The following GHR variants were observed in gnomAD, a reference collection of about 807,000 sequenced individuals.
GHR encodes the protein growth hormone receptor, also known as GH receptor.
GHR carries 35 observed loss-of-function variants against 67.1 expected under a neutral mutation model. The observed-to-expected ratio is 0.52, with a 90% CI of 0.40 to 0.69. GHR has a LOEUF of 0.69. Ranked by LOEUF, GHR falls within the 30% of genes least tolerant of loss-of-function variation. The pLI is 0.00. For synonymous variants in GHR, 272 were observed against 269.1 expected, an observed-to-expected ratio of 1.01 and a Z score of -0.10; for missense variants, 792 against 764.6, an observed-to-expected ratio of 1.04 and a Z score of -0.42.
intron 2 of GHR, among the ~76,000 whole-genome samples, chr5:42,583,864 T>C (rs900049809): frequency 2.0e-5 from 3 of 148,528 alleles, no homozygotes; most frequent in Non-Finnish European, 4.5e-5. Context: ...AAGATATATA[T>C]ATCTTTAAAT....
chr5:42,450,402 T>C (rs1054139245), intron 1 of GHR, among the ~76,000 whole-genome samples: 2 of 152,208 alleles, frequency 1.3e-5, no homozygotes, highest in Non-Finnish European at 2.9e-5. Context: ...GATTTTCTAG[T>C]TTGTGTGCAT....
chr5:42,523,820 G>A (rs982728631), intron 1 of GHR, among the ~76,000 whole-genome samples: 2 of 152,124 alleles, frequency 1.3e-5, no homozygotes, highest in Admixed American at 6.5e-5. Flanking sequence ...TGAATCATGG[G>A]AGCCAGTCTT....
At chr5:42,497,190 CAG>C (rs1746357226) in intron 1 of GHR, among the ~76,000 whole-genome samples, 1 of 152,218 alleles carries the variant, frequency 6.6e-6, no homozygotes, top group Non-Finnish European at 1.5e-5. Context: ...CTGTGGCCCA[CAG>C]AGTGTGCTAT....
intron 2 of GHR, among the ~76,000 whole-genome samples, chr5:42,579,030 T>C (rs1220774060): frequency 6.6e-6 from 1 of 151,944 alleles, no homozygotes; most frequent in African/African-American, 2.4e-5. Context: ...AAAAGAAACA[T>C]TCAGGCTATC....
chr5:42,475,240 C>A (rs1745251823), intron 1 of GHR, among the ~76,000 whole-genome samples: 1 of 152,060 alleles, frequency 6.6e-6, no homozygotes, highest in Admixed American at 6.6e-5. Flanking sequence ...TTAAAGGGAA[C>A]TGGTAAAGAG....
intron 1 of GHR, among the ~76,000 whole-genome samples, chr5:42,562,856 G>T (rs887716744): frequency 1.3e-5 from 2 of 151,878 alleles, no homozygotes; most frequent in African/African-American, 4.8e-5. Context: ...TCACCATGTT[G>T]GCCAGGATGG....
intron 8 of GHR, among the ~76,000 whole-genome samples, 181 bp downstream of exon 8, chr5:42,713,700 A>G (rs928366573): frequency 9.9e-5 from 15 of 152,166 alleles, no homozygotes; most frequent in South Asian, 2.1e-4. Flanking sequence ...TGTTGTATTT[A>G]TCTTAGACAA....
intron 1 of GHR, among the ~76,000 whole-genome samples, chr5:42,493,450 T>C (rs2112204497): frequency 1.3e-5 from 2 of 152,278 alleles, no homozygotes; most frequent in South Asian, 4.1e-4. Context: ...TTATTTTAAG[T>C]AGTTATATGG....
chr5:42,584,427 AG>A (rs1751362915), intron 2 of GHR, among the ~76,000 whole-genome samples: 1 of 152,172 alleles, frequency 6.6e-6, no homozygotes, highest in Non-Finnish European at 1.5e-5. Flanking sequence ...TAGATTTCAC[AG>A]GGCAGATGCC....
chr5:42,675,518 G>A (rs1756528470), intron 3 of GHR, among the ~76,000 whole-genome samples: 1 of 152,168 alleles, frequency 6.6e-6, no homozygotes, highest in African/African-American at 2.4e-5. Flanking sequence ...GAAATAATTT[G>A]AAAGGCAATA....
chr5:42,681,105 G>A (rs575526915), intron 3 of GHR, among the ~76,000 whole-genome samples: 127 of 152,054 alleles, frequency 8.4e-4, no homozygotes, highest in South Asian at 3.3e-3. Context: ...GCCAAAATTG[G>A]CAAATGGGAT....
At chr5:42,468,842 A>G (rs1744866483) in intron 1 of GHR, 3 of 981,270 alleles carry the variant, frequency 3.1e-6, no homozygotes, top group Non-Finnish European at 4.5e-6. Flanking sequence ...AGGCAGCTGA[A>G]GCCTTCCTGT....
At chr5:42,716,598 T>G (rs1214646204) in intron 8 of GHR, among the ~76,000 whole-genome samples, 1 of 152,224 alleles carries the variant, frequency 6.6e-6, no homozygotes, top group African/African-American at 2.4e-5. Context: ...CATAGTTTAG[T>G]GCAAAGTATA....
At chr5:42,651,516 T>C (rs1410464411) in intron 3 of GHR, among the ~76,000 whole-genome samples, 1 of 152,170 alleles carries the variant, frequency 6.6e-6, no homozygotes, top group Non-Finnish European at 1.5e-5. Context: ...CATACCATAG[T>C]ATACTGGAAC....
At chr5:42,572,255 T>C (rs947529727) in intron 2 of GHR, among the ~76,000 whole-genome samples, 3 of 152,172 alleles carry the variant, frequency 2.0e-5, no homozygotes, top group Admixed American at 1.3e-4. Context: ...AACCACCTGC[T>C]TATCCACAGT....
At chr5:42,562,644 CTTTTTT>C (rs1212633265) in intron 1 of GHR, among the ~76,000 whole-genome samples, 48 of 77,752 alleles carry the variant, frequency 6.2e-4, no homozygotes, top group Admixed American at 8.0e-4. Context: ...GTTATAGTTC[CTTTTTT>C]TTTTTTTTTT....
chr5:42,547,706 T>C (rs1056733045), intron 1 of GHR, among the ~76,000 whole-genome samples: 1 of 152,210 alleles, frequency 6.6e-6, no homozygotes, highest in Non-Finnish European at 1.5e-5. Flanking sequence ...TAAATTAAGA[T>C]GCAGGAATTT....
chr5:42,468,898 A>T lies in GHR; in HGVS notation c.-12+44943A>T, dbSNP rs555292910. 1.7e-4 allele frequency: 119 copies of T among 686,568 alleles called. No homozygotes were observed. The African/African-American group carries it at 2.1e-3, about 12-fold the overall frequency. The allele number at this position is 686,568 out of a possible 1,614,324, so 42.5% of individuals were successfully genotyped here. Reference sequence around the variant, plus strand: ...TGCTCGGCGGCACATTCCTCCACGGATTGCAGCGGGCTGCGCCGAGCCAAG... The same window carrying T: ...TGCTCGGCGGCACATTCCTCCACGGTTTGCAGCGGGCTGCGCCGAGCCAAG... On this transcript the variant is annotated intron_variant, in intron 1 of 9. Transcript: ENST00000230882.
chr5:42,506,176 T>G (rs995887780), intron 1 of GHR, among the ~76,000 whole-genome samples: 10 of 152,234 alleles, frequency 6.6e-5, no homozygotes, highest in Middle Eastern at 3.2e-3. Context: ...TCCTAGGCCA[T>G]ATTTTATCCA....
Sources: allele counts gnomAD v4.1 joint callset (sites outside exome capture counted in the v4.1 genomes callset), GRCh38; gene constraint gnomAD v4.1.1; transcripts MANE v1.5; gene names NCBI Gene and HGNC (gene_info 2026-07-23, HGNC 2026-07-21).